XPO4: variants seen among roughly 807,000 people sequenced by gnomAD.
The protein encoded by XPO4 is exportin 4, also known as exportin-4.
A neutral mutation model predicts 143.0 loss-of-function variants in XPO4; 39 were observed. The observed-to-expected ratio is 0.27, with a 90% confidence interval of 0.21 to 0.36. The LOEUF is 0.36. Among genes scored for constraint, XPO4 ranks in the 10% least tolerant of loss-of-function variants. XPO4 has a pLI of 1.00. For missense variants in XPO4, 907 were observed against 1,348.0 expected (o/e 0.67, Z 5.12); for synonymous variants, 439 against 474.0 (o/e 0.93, Z 0.96).
Position 20,800,328 on chromosome 13 carries a change from TAA to T in XPO4, c.1978-5_1978-4del, listed in dbSNP as rs765259883. Reference sequence around the variant, plus strand: ...GCTGTACTGAATGGCAGACTTATCTTAAGAGAGGAAACAAATTTTTTAAGGTA... The same window carrying T: ...GCTGTACTGAATGGCAGACTTATCTTGAGAGGAAACAAATTTTTTAAGGTA... On this transcript the variant is annotated splice_polypyrimidine_tract_variant and splice_region_variant and intron_variant, in intron 14 of 22. Coordinates refer to ENST00000255305, the MANE Select transcript of XPO4 (RefSeq NM_022459.5). 3.4e-5 allele frequency: 55 copies of T among 1,598,270 alleles called. No homozygotes were observed. The highest frequency in any genetic ancestry group is 2.5e-4 in the Admixed American group (14 of 56,774).
Position 20,783,753 on chromosome 13 carries a change from G to A in XPO4, c.3425C>T (p.Ala1142Val). The change falls in exon 23 of 23, where the codon GCA becomes GTA. Residue 1142 changes from alanine to valine, a missense_variant. Ala to Val is a moderately conservative substitution (Grantham distance 64). Coordinates refer to ENST00000255305, the MANE Select transcript of XPO4 (RefSeq NM_022459.5). ...TACACAAAGGAGACCACCAACATTT[G>A]CCATAAATTCTTCTAAACTCTTTAA... ...AFLKSLEEFM[A>V]NVGGLLCVK 1 of 1,614,170 alleles carries A rather than the reference G, an allele frequency of 6.2e-7. No individual in the cohort carries two copies. Among genetic ancestry groups the A allele is most frequent in the Non-Finnish European group, 8.5e-7 (1 of 1,180,020 alleles).
chr13:20,875,476 T>C lies in XPO4; in HGVS notation c.70-6775A>G, dbSNP rs569836163. Among the ~76,000 whole-genome samples, 129 of 152,242 alleles carry C rather than the reference T, an allele frequency of 8.5e-4. 1 individual carries two copies. The South Asian group carries it at 0.026, about 30-fold the overall frequency. ...CTAGTATAAGCTCCTTTACATATCTTCCGTTTTAAAGTCTCTTTTCCTCCC... is the reference window on the plus strand; with the variant it reads ...CTAGTATAAGCTCCTTTACATATCTCCCGTTTTAAAGTCTCTTTTCCTCCC... On this transcript the variant is annotated intron_variant, in intron 1 of 22. Coordinates refer to ENST00000255305, the MANE Select transcript of XPO4 (RefSeq NM_022459.5).
At chr13:20,858,113 TAAAAGAG>T (rs2060161862) in intron 3 of XPO4, among the ~76,000 whole-genome samples, 1 of 151,864 alleles carries the variant, frequency 6.6e-6, no homozygotes, top group South Asian at 2.1e-4. Flanking sequence ...TATTCTAGAT[TAAAAGAG>T]ACATGACTAA....
rs373778229 is a variant in XPO4 at position 20,798,075 on chromosome 13, G to A, written c.2323-1018C>T. ...AGGAGAGTCGCTTGACCCAGGAGGT[G>A]GAGGTTGCAGTGAGCCAAGATCACA... On this transcript the variant is annotated intron_variant, in intron 16 of 22. Coordinates refer to ENST00000255305, the MANE Select transcript of XPO4 (RefSeq NM_022459.5). Among the ~76,000 whole-genome samples the A allele has an allele frequency of 8.5e-4, 130 of 152,190 alleles. 3 individuals are homozygous for A. In the South Asian group the frequency reaches 0.026, roughly 30 times the overall value.
intron 4 of XPO4, chr13:20,848,964 T>C (rs2060056903): frequency 3.0e-6 from 3 of 985,416 alleles, no homozygotes; most frequent in South Asian, 4.7e-5. Context: ...TATCTTCACA[T>C]TGAAAGTCTT....
At chr13:20,815,044 T>G (rs924065162) in intron 9 of XPO4, among the ~76,000 whole-genome samples, 2 of 152,180 alleles carry the variant, frequency 1.3e-5, no homozygotes, top group Admixed American at 6.5e-5. Flanking sequence ...CTTTTTGACA[T>G]CAAATTGAAT....
chr13:20,820,746 GTGCCCGAT>G (rs1359544231), intron 9 of XPO4, among the ~76,000 whole-genome samples: 1 of 152,084 alleles, frequency 6.6e-6, no homozygotes. Context: ...AATCATGAAA[GTGCCCGAT>G]TACATAAACA....
At position 20,824,424 on chromosome 13, in the gene XPO4, G is replaced by A. The variant is rs537472652; in HGVS notation, c.841-2135C>T. 2.6e-5 allele frequency among the ~76,000 whole-genome samples: 4 copies of A among 152,216 alleles called. No homozygotes were observed. In the South Asian group the frequency reaches 6.2e-4, roughly 24 times the overall value. ...AATCTTGAATGTTCATTATGGTCTC[G>A]AAGCGAGCAATCAGAAGAAAGAATA... is the stretch of plus-strand genomic sequence containing the variant. On this transcript the variant is annotated intron_variant, in intron 7 of 22. Transcript: ENST00000255305.
At chr13:20,786,628 C>CA (rs991808788) in intron 22 of XPO4, among the ~76,000 whole-genome samples, 1 of 152,066 alleles carries the variant, frequency 6.6e-6, no homozygotes, top group African/African-American at 2.4e-5. Context: ...GTCTCCCTTA[C>CA]AAAAAACCAT....
intron 13 of XPO4, among the ~76,000 whole-genome samples, chr13:20,807,166 C>A (rs955085112): frequency 3.3e-5 from 5 of 152,076 alleles, no homozygotes; most frequent in Admixed American, 1.3e-4. Flanking sequence ...GATGGACAGG[C>A]GTTATGTTCC....
At chr13:20,844,852 T>C (rs1448171964) in intron 4 of XPO4, among the ~76,000 whole-genome samples, 1 of 152,232 alleles carries the variant, frequency 6.6e-6, no homozygotes, top group Non-Finnish European at 1.5e-5. Context: ...GTCCATTTTG[T>C]ATATGTCTGA....
intron 16 of XPO4, 128 bp downstream of exon 16, chr13:20,799,029 AAAAAAAAG>A: frequency 1.0e-6 from 1 of 976,338 alleles, no homozygotes; most frequent in Non-Finnish European, 1.4e-6. Flanking sequence ...TCAGAAAAAA[AAAAAAAAG>A]AAAGAAAGAA....
chr13:20,827,111 G>A lies in XPO4; in HGVS notation c.796C>T (p.Arg266Trp), dbSNP rs1304076727. 27 of 1,613,804 alleles carry A rather than the reference G, an allele frequency of 1.7e-5. No homozygotes were observed. The highest frequency in any genetic ancestry group is 1.7e-4 in the Middle Eastern group (1 of 6,058). The stretch of plus-strand genomic sequence containing the variant: ...ACTCTGCTGTCCAGAAGAGTCTCCC[G>A]CCAGGACTCTGTTGGCTTCAACAGC... ...NVLLKPTESW[R>W]ETLLDSRVME... Residue 266 changes from arginine (R) to tryptophan (W), a missense_variant, in exon 7 of 23, where the codon CGG becomes TGG. Physicochemically the swap from Arg to Trp is moderately radical, Grantham distance 101 (BLOSUM62 -3). Transcript: ENST00000255305.
chr13:20,849,753 A>G (rs569831697), intron 4 of XPO4: 1 of 985,266 alleles, frequency 1.0e-6, no homozygotes, highest in East Asian at 1.1e-4. Context: ...AGTCTTTAAG[A>G]TACTTCTGAA....
intron 18 of XPO4, among the ~76,000 whole-genome samples, chr13:20,792,404 A>C (rs1452503389): frequency 6.6e-6 from 1 of 152,076 alleles, no homozygotes; most frequent in Admixed American, 6.5e-5. Context: ...CAGCCTGGCC[A>C]ACATAGTGAA....
intron 19 of XPO4, among the ~76,000 whole-genome samples, chr13:20,789,124 AAC>A (rs1029832002): frequency 2.0e-5 from 3 of 152,256 alleles, no homozygotes; most frequent in Non-Finnish European, 2.9e-5. Context: ...AATCTGGTTT[AAC>A]CACACTTAAG....
intron 3 of XPO4, chr13:20,859,798 A>AT: frequency 1.1e-6 from 1 of 895,362 alleles, no homozygotes; most frequent in Non-Finnish European, 1.3e-6. Flanking sequence ...AAAAAAAAAA[A>AT]GAACAAATAA....
intron 6 of XPO4, among the ~76,000 whole-genome samples, chr13:20,836,685 A>G (rs2059920816): frequency 1.3e-5 from 2 of 152,240 alleles, no homozygotes; most frequent in African/African-American, 4.8e-5. Flanking sequence ...CATAATTCAC[A>G]CACTACGCAA....
At chr13:20,816,478 T>C (rs1353082604) in intron 9 of XPO4, among the ~76,000 whole-genome samples, 1 of 152,210 alleles carries the variant, frequency 6.6e-6, no homozygotes, top group African/African-American at 2.4e-5. Context: ...CAGAATTAAT[T>C]TAACTTCAGA....
Sources: allele counts gnomAD v4.1 joint callset (sites outside exome capture counted in the v4.1 genomes callset), GRCh38; gene constraint gnomAD v4.1.1; transcripts MANE v1.5; gene names NCBI Gene and HGNC (gene_info 2026-07-23, HGNC 2026-07-21).